The following RBFOX1 variants were observed in gnomAD, a reference collection of about 807,000 sequenced individuals.
The protein encoded by RBFOX1 is RNA binding fox-1 homolog 1.
A neutral mutation model predicts 57.7 loss-of-function variants in RBFOX1; 8 were observed. That is an observed-to-expected ratio of 0.14 (90% confidence interval 0.08 to 0.25). RBFOX1 has a LOEUF of 0.25. Ranked by LOEUF, RBFOX1 falls within the 10% of genes least tolerant of loss-of-function variation. The pLI, the probability that RBFOX1 is intolerant of heterozygous loss-of-function variation, is 1.00. For missense variants in RBFOX1, 611 were observed against 548.5 expected, an observed-to-expected ratio of 1.11 and a Z score of -1.14; for synonymous variants, 326 against 222.4, an observed-to-expected ratio of 1.47 and a Z score of -4.15.
chr16:7,621,654 AATG>A (rs1476347531), intron 10 of RBFOX1, among the ~76,000 whole-genome samples: 2 of 152,352 alleles, frequency 1.3e-5, no homozygotes, highest in East Asian at 3.9e-4. Flanking sequence ...TTTGAACAAA[AATG>A]AAATAAAATT....
chr16:6,077,073 A>G (rs1287104386), intron 1 of RBFOX1, among the ~76,000 whole-genome samples: 1 of 152,230 alleles, frequency 6.6e-6, no homozygotes, highest in East Asian at 1.9e-4. Flanking sequence ...TCGTAAGCCT[A>G]GATGGGTAAT....
intron 2 of RBFOX1, among the ~76,000 whole-genome samples, chr16:5,587,394 C>G (rs546504776): frequency 1.3e-4 from 20 of 152,290 alleles, no homozygotes; most frequent in African/African-American, 4.6e-4. Context: ...CACTGCACAC[C>G]CATTAGAATG....
In RBFOX1 at chr16:5,562,341, G is replaced by A. The variant is rs914610101; in HGVS notation, c.259-36561G>A. On this transcript the variant is annotated intron_variant, in intron 2 of 2. Transcript: ENST00000585867. ...GCCCGAGAAAGCTGCCTGTTTCCTA[G>A]ATATTGGAACTGCTGGGGTCAGGAT... Among the ~76,000 whole-genome samples the A allele has an allele frequency of 2.6e-5, 4 of 152,306 alleles. 1 individual carries two copies. Among genetic ancestry groups the A allele is most frequent in the Admixed American group, 2.6e-4 (4 of 15,300 alleles).
intron 4 of RBFOX1, among the ~76,000 whole-genome samples, chr16:7,217,933 C>T (rs973182487): frequency 1.1e-4 from 16 of 150,192 alleles, no homozygotes; most frequent in South Asian, 8.5e-4. Context: ...TAGGTGTGTG[C>T]GTGCATGTGT....
intron 2 of RBFOX1, among the ~76,000 whole-genome samples, chr16:6,478,429 A>ATTTATTTTTT (rs2095317377): frequency 4.1e-5 from 1 of 24,614 alleles, no homozygotes; most frequent in Non-Finnish European, 7.8e-5. Flanking sequence ...ATATATATAT[A>ATTTATTTTTT]TTTTTTTTTT....
intron 1 of RBFOX1, among the ~76,000 whole-genome samples, chr16:5,247,911 C>T (rs1325021851): frequency 6.6e-6 from 1 of 152,194 alleles, no homozygotes; most frequent in Non-Finnish European, 1.5e-5. Flanking sequence ...TCTTTGGTAT[C>T]AGGGGCACAA....
intron 4 of RBFOX1, among the ~76,000 whole-genome samples, chr16:7,208,212 T>C (rs975343305): frequency 6.6e-6 from 1 of 152,214 alleles, no homozygotes; most frequent in African/African-American, 2.4e-5. Context: ...TCACCATCTA[T>C]AATCGGCCAG....
chr16:6,485,090 A>G (rs181802233), intron 2 of RBFOX1, among the ~76,000 whole-genome samples: 10 of 152,320 alleles, frequency 6.6e-5, no homozygotes, highest in East Asian at 3.9e-4. Context: ...GTGGTTTGCT[A>G]TGACTAAGTT....
intron 3 of RBFOX1, among the ~76,000 whole-genome samples, chr16:5,763,183 G>A (rs1161919808): frequency 1.3e-5 from 2 of 152,182 alleles, no homozygotes; most frequent in Non-Finnish European, 2.9e-5. Context: ...CGTGATTTGG[G>A]CAGCCTTCCT....
intron 2 of RBFOX1, among the ~76,000 whole-genome samples, chr16:5,533,585 C>T (rs978519173): frequency 5.3e-5 from 8 of 152,152 alleles, no homozygotes; most frequent in Non-Finnish European, 1.0e-4. Flanking sequence ...GAAATCCCTC[C>T]TGGGCCCCAG....
chr16:6,377,225 G>A (rs1219865975), intron 2 of RBFOX1, among the ~76,000 whole-genome samples: 6 of 149,746 alleles, frequency 4.0e-5, no homozygotes, highest in African/African-American at 1.5e-4. Context: ...AGTGAGCCAA[G>A]GTCATGCAAC....
intron 3 of RBFOX1, among the ~76,000 whole-genome samples, chr16:5,627,592 A>G (rs1312863641): frequency 1.3e-5 from 2 of 152,200 alleles, no homozygotes; most frequent in East Asian, 3.8e-4. Flanking sequence ...ATAAGCAACA[A>G]CCTTATAAAT....
chr16:6,746,856 C>T (rs1436094765), intron 3 of RBFOX1, among the ~76,000 whole-genome samples: 1 of 152,106 alleles, frequency 6.6e-6, no homozygotes, highest in Non-Finnish European at 1.5e-5. Context: ...TTAAGCATAA[C>T]AACTCAAATG....
intron 3 of RBFOX1, among the ~76,000 whole-genome samples, chr16:5,778,932 G>T (rs974550463): frequency 1.3e-5 from 2 of 152,072 alleles, no homozygotes. Flanking sequence ...GGCATATAAA[G>T]CACTCAATTT....
chr16:7,191,963 C>T (rs183550679), intron 4 of RBFOX1, among the ~76,000 whole-genome samples: 1 of 152,220 alleles, frequency 6.6e-6, no homozygotes, highest in Non-Finnish European at 1.5e-5. Flanking sequence ...AGCCGTCTCC[C>T]TCTAAGGAGG....
intron 1 of RBFOX1, among the ~76,000 whole-genome samples, chr16:6,259,700 G>A (rs2097689971): frequency 6.6e-6 from 1 of 152,132 alleles, no homozygotes; most frequent in African/African-American, 2.4e-5. Context: ...GCTTATGCCT[G>A]TAATAGCAGC....
chr16:5,766,799 C>T (rs2053797014), intron 3 of RBFOX1, among the ~76,000 whole-genome samples: 2 of 152,174 alleles, frequency 1.3e-5, no homozygotes, highest in African/African-American at 4.8e-5. Flanking sequence ...CACCCTGCTT[C>T]TGCCCTCAAG....
rs192374003 is a variant in RBFOX1, at chr16:6,985,939, C to G, written c.-15-66118C>G. ...GCAAATGAATGTGAATTGTAAATCT[C>G]CATGGAGTGATATAGAATAAGGCAC... On this transcript the variant is annotated intron_variant, in intron 3 of 15. Transcript: ENST00000550418. Among the ~76,000 whole-genome samples the G allele has an allele frequency of 3.9e-3, 583 of 150,226 alleles. 7 individuals are homozygous for G. Among genetic ancestry groups the G allele is most frequent in the African/African-American group, 0.014 (556 of 40,966 alleles).
chr16:6,625,157 TAAAAAAA>T (rs34634402), intron 2 of RBFOX1, among the ~76,000 whole-genome samples: 2 of 56,340 alleles, frequency 3.5e-5, no homozygotes, highest in Non-Finnish European at 5.9e-5. Flanking sequence ...CAACCCTATC[TAAAAAAA>T]AAAAAAAAAA....
Sources: allele counts gnomAD v4.1 joint callset (sites outside exome capture counted in the v4.1 genomes callset), GRCh38; gene constraint gnomAD v4.1.1; transcripts MANE v1.5; gene names NCBI Gene and HGNC (gene_info 2026-07-23, HGNC 2026-07-21).